Variants in SIN3B observed in about 807,000 individuals in gnomAD.
SIN3B encodes paired amphipathic helix protein Sin3b.
In SIN3B, 19 loss-of-function variants were observed where a neutral mutation model predicts 120.2. The observed-to-expected ratio is 0.16, with a 90% CI of 0.11 to 0.23. SIN3B has a LOEUF of 0.23. Among genes scored for constraint, SIN3B ranks in the 10% least tolerant of loss-of-function variants. SIN3B has a pLI of 1.00. For synonymous variants in SIN3B, 654 were observed against 653.2 expected, an observed-to-expected ratio of 1.00 and a Z score of -0.02; for missense variants, 1,073 against 1,573.0, an observed-to-expected ratio of 0.68 and a Z score of 5.38.
Position 16,869,861 on chromosome 19 carries a change from G to A in SIN3B, c.2208G>A (p.Leu736=). The stretch of plus-strand genomic sequence containing the variant: ...CGCCCCCAGCCCCGCACAAGCCCCT[G>A]GACGATGTCTACAGCCTATTTTTTG... ...PLPPPAPHKP[L]DDVYSLFFAN... is the part of the protein sequence containing the mutation. Residue 736 remains leucine, a synonymous_variant, in exon 13 of 19, where the codon CTG becomes CTA. Coordinates refer to ENST00000248054, the MANE Select transcript of SIN3B (RefSeq NM_001297595.2). The A allele has an allele frequency of 5.6e-6, 9 of 1,614,228 alleles. No homozygotes were observed. The highest frequency in any genetic ancestry group is 7.6e-6 in the Non-Finnish European group (9 of 1,180,032).
chr19:16,877,588 C>T lies in SIN3B; in HGVS notation c.2903C>T (p.Ala968Val), dbSNP rs140209091. Reference sequence around the variant, plus strand: ...GAGCAGTATGTGGGGACCGAGGGCGCGTCCAGCTCGCCCACTGAGGGCTTC... The same window carrying T: ...GAGCAGTATGTGGGGACCGAGGGCGTGTCCAGCTCGCCCACTGAGGGCTTC... ...YVEQYVGTEG[A>V]SSSPTEGFLL... The change falls in exon 17 of 19, where the codon GCG becomes GTG. Residue 968 changes from alanine (A) to valine (V), a missense_variant. Physicochemically the swap from Ala to Val is moderately conservative, Grantham distance 64 (BLOSUM62 0). Around this residue, in one of 7 missense-constraint regions of SIN3B, gnomAD observed 311 missense variants for 400.3 expected, o/e 0.78. Transcript: ENST00000248054. The T allele has an allele frequency of 7.4e-6, 12 of 1,612,250 alleles. No individual in the cohort carries two copies. The highest frequency in any genetic ancestry group is 6.8e-6 in the Non-Finnish European group (8 of 1,179,600).
chr19:16,848,717 T>G (rs964791266), intron 5 of SIN3B, among the ~76,000 whole-genome samples: 1 of 152,188 alleles, frequency 6.6e-6, no homozygotes, highest in Non-Finnish European at 1.5e-5. Context: ...CCCAGGCTGG[T>G]CTCGAGCTCC....
At chr19:16,877,790 G>C (rs905454179) in intron 17 of SIN3B, 151 bp downstream of exon 17, 2 of 664,930 alleles carry the variant, frequency 3.0e-6, no homozygotes, top group Non-Finnish European at 5.3e-6. Flanking sequence ...CCCTTTTGAG[G>C]CTTGTGGTTT....
intron 5 of SIN3B, among the ~76,000 whole-genome samples, chr19:16,850,723 G>A (rs1971533418): frequency 1.3e-5 from 2 of 152,158 alleles, no homozygotes; most frequent in African/African-American, 2.4e-5. Context: ...TCTGTCCATC[G>A]TCCCCTGCCT....
chr19:16,829,938 G>T (rs758219782), intron 2 of SIN3B, 41 bp downstream of exon 2: 7 of 1,435,996 alleles, frequency 4.9e-6, no homozygotes, highest in Non-Finnish European at 6.9e-6. Flanking sequence ...GACCCCCCTG[G>T]GCCGGAATCG....
chr19:16,852,429 T>G (rs1971557624), intron 6 of SIN3B, among the ~76,000 whole-genome samples: 1 of 152,166 alleles, frequency 6.6e-6, no homozygotes, highest in Admixed American at 6.5e-5. Flanking sequence ...CACCTTTTTG[T>G]AGAGATGAGG....
intron 9 of SIN3B, chr19:16,863,042 G>C: frequency 8.1e-7 from 1 of 1,231,304 alleles, no homozygotes; most frequent in Non-Finnish European, 1.2e-6. Context: ...AAGTTTTACT[G>C]TCACACAGAC....
intron 3 of SIN3B, among the ~76,000 whole-genome samples, chr19:16,835,756 G>C (rs1170410204): frequency 1.3e-5 from 2 of 151,900 alleles, no homozygotes; most frequent in East Asian, 1.9e-4. Flanking sequence ...CTGACCTCAA[G>C]TGATCCCCCA....
At chr19:16,867,452 C>T (rs1162620849) in intron 12 of SIN3B, among the ~76,000 whole-genome samples, 4 of 152,060 alleles carry the variant, frequency 2.6e-5, no homozygotes, top group African/African-American at 9.7e-5. Flanking sequence ...GTAGGGAGTG[C>T]CTGCTTGCAG....
chr19:16,865,523 C>T lies in SIN3B; in HGVS notation c.1497C>T (p.Ser499=). 2 of 1,613,774 alleles carry T rather than the reference C, an allele frequency of 1.2e-6. No homozygotes were observed. The highest frequency in any genetic ancestry group is 1.7e-6 in the Non-Finnish European group (2 of 1,179,804). The change falls in exon 11 of 19, where the codon TCC becomes TCT. Residue 499 remains serine, a synonymous_variant. Coordinates refer to ENST00000248054, the MANE Select transcript of SIN3B (RefSeq NM_001297595.2). ...EDQEKFRLDD[S]LGGTSEVIQR... ...AGGAGAAGTTCCGGCTGGACGACTC[C>T]CTGGGAGGCACGTCGGAGGTGATCC...
At chr19:16,843,758 G>A (rs1030144627) in intron 4 of SIN3B, among the ~76,000 whole-genome samples, 4 of 152,198 alleles carry the variant, frequency 2.6e-5, no homozygotes, top group Non-Finnish European at 5.9e-5. Context: ...AACCCAAACC[G>A]GGCTGCTGAG....
Position 16,871,955 on chromosome 19 carries a change from ATCCT to A in SIN3B, c.2592+558_2592+561del, listed in dbSNP as rs567096452. ...ACATGGAAAAAACCTTAACCCACTT[ATCCT>A]GAGGGAGGGTGGGAATAGTGATTTC... On this transcript the variant is annotated intron_variant, in intron 14 of 18. Coordinates refer to ENST00000248054, the MANE Select transcript of SIN3B (RefSeq NM_001297595.2). Among the ~76,000 whole-genome samples the A allele has an allele frequency of 3.2e-3, 490 of 152,212 alleles. 2 individuals are homozygous for A. Among genetic ancestry groups the A allele is most frequent in the Middle Eastern group, 6.8e-3 (2 of 294 alleles).
chr19:16,852,006 T>C lies in SIN3B; in HGVS notation c.849+472T>C, dbSNP rs991321467. ...GGCTTTCTACTATTGGTGGGAACTT[T>C]GTCGTCCTCCCATTTATTTAGTTAT... On this transcript the variant is annotated intron_variant, in intron 6 of 18. Transcript: ENST00000248054. 4.2e-4 allele frequency among the ~76,000 whole-genome samples: 64 copies of C among 152,262 alleles called. 1 individual carries two copies. The highest frequency in any genetic ancestry group is 4.8e-4 in the Non-Finnish European group (33 of 68,048).
chr19:16,878,265 C>A lies in SIN3B; in HGVS notation c.3037C>A (p.Leu1013Met). 6.3e-7 allele frequency: 1 copy of A among 1,599,900 alleles called. No individual in the cohort carries two copies. The highest frequency in any genetic ancestry group is 2.3e-5 in the East Asian group (1 of 44,150). The stretch of plus-strand genomic sequence containing the variant: ...TGAGGCCAGGAGCTCCTGGAAGCGG[C>A]TGGTGGGCGTGGAGAGCGCCTGCGA... ...RGEARSSWKR[L>M]VGVESACDVD... The change falls in exon 18 of 19, where the codon CTG (leucine) becomes ATG (methionine). Residue 1013 changes from leucine to methionine, a missense_variant. Leu to Met is a conservative substitution (Grantham distance 15). Transcript: ENST00000248054.
intron 3 of SIN3B, among the ~76,000 whole-genome samples, chr19:16,835,288 G>A (rs1022355991): frequency 1.5e-4 from 22 of 148,166 alleles, no homozygotes; most frequent in African/African-American, 5.5e-4. Context: ...GAGTGCAATG[G>A]CACGATCTTG....
Position 16,863,718 on chromosome 19 carries a change from T to C in SIN3B, c.1305T>C (p.Ser435=). Residue 435 remains serine (S), a synonymous_variant, in exon 10 of 19, where the codon TCT becomes TCC. Transcript: ENST00000248054. ...CCTGGGTCTCCTTCCCTTCCTGGTC[T>C]GAGGACTCCACGTTCGTCAGCTCCA... ...NDTWVSFPSW[S]EDSTFVSSKK... is the part of the protein sequence containing the mutation. The C allele has an allele frequency of 4.3e-6, 7 of 1,614,200 alleles. No homozygotes were observed. Among genetic ancestry groups the C allele is most frequent in the African/African-American group, 1.3e-5 (1 of 75,070 alleles).
At chr19:16,838,399 C>T (rs755395525) in intron 3 of SIN3B, among the ~76,000 whole-genome samples, 1 of 152,114 alleles carries the variant, frequency 6.6e-6, no homozygotes, top group African/African-American at 2.4e-5. Flanking sequence ...TGGATTTGCC[C>T]GTATGGACAT....
At position 16,869,606 on chromosome 19, in the gene SIN3B, C is replaced by T. The variant is rs369391010; in HGVS notation, c.1953C>T (p.Asp651=). ...GGCAGCCGGCCATCCAGAAGGAGGACCAGGGCACCATCCACCAGCTGCTGC... is the reference window on the plus strand; with the variant it reads ...GGCAGCCGGCCATCCAGAAGGAGGATCAGGGCACCATCCACCAGCTGCTGC... ...VKRQPAIQKE[D]QGTIHQLLHQ... The change falls in exon 13 of 19, where the codon GAC becomes GAT. Residue 651 remains aspartate (D), a synonymous_variant. Coordinates refer to ENST00000248054, the MANE Select transcript of SIN3B (RefSeq NM_001297595.2). 5 of 1,613,444 alleles carry T rather than the reference C, an allele frequency of 3.1e-6. No individual in the cohort carries two copies. The highest frequency in any genetic ancestry group is 4.2e-6 in the Non-Finnish European group (5 of 1,180,036).
chr19:16,868,036 A>G (rs1196814792), intron 12 of SIN3B, among the ~76,000 whole-genome samples: 1 of 152,204 alleles, frequency 6.6e-6, no homozygotes, highest in Non-Finnish European at 1.5e-5. Context: ...ATCTCTGCAC[A>G]TGCAGGTCCT....
Sources: gnomAD v4.1 joint callset for allele counts (sites outside exome capture counted in the v4.1 genomes callset) on GRCh38, gnomAD v4.1.1 for gene constraint, gnomAD v4.1.1 regional missense constraint, MANE v1.5 for transcripts, NCBI Gene and HGNC (gene_info 2026-07-23, HGNC 2026-07-21) for gene names.